Variants in MYH6 observed in about 807,000 individuals in gnomAD.
MYH6 encodes myosin heavy chain 6.
Under a neutral mutation model 223.2 loss-of-function variants are expected in MYH6, and 126 were observed. The observed-to-expected ratio is 0.56, with a 90% CI of 0.49 to 0.65. The LOEUF (loss-of-function observed/expected upper bound fraction) is 0.65, where lower values mean the gene tolerates loss of function less well. Among genes scored for constraint, MYH6 ranks in the 30% least tolerant of loss-of-function variants. The pLI is 0.00. For missense variants in MYH6, 2,040 were observed against 2,536.4 expected, an observed-to-expected ratio of 0.80 and a Z score of 4.20; for synonymous variants, 978 against 1,010.2, an observed-to-expected ratio of 0.97 and a Z score of 0.61.
At position 23,392,967 on chromosome 14, in the gene MYH6, C is replaced by T. The variant is rs560965568; in HGVS notation, c.3196G>A (p.Glu1066Lys). ...TCATTTTCCAGGTCCATGATGCTCTCCTGGGTCAGCTTCAGGTCGCCCTCC... is the reference window on the plus strand; with the variant it reads ...TCATTTTCCAGGTCCATGATGCTCTTCTGGGTCAGCTTCAGGTCGCCCTCC... ...KLEGDLKLTQ[E>K]SIMDLENDKL... The change falls in exon 24 of 39, where the codon GAG becomes AAG. Residue 1066 changes from glutamate (E) to lysine (K), a missense_variant. This residue lies in a region of MYH6 where 1,203 missense variants were observed against 1,400.2 expected (regional missense o/e 0.86). Coordinates refer to ENST00000405093, the MANE Select transcript of MYH6 (RefSeq NM_002471.4). 2 of 1,614,214 alleles carry T rather than the reference C, an allele frequency of 1.2e-6. No homozygotes were observed. Among genetic ancestry groups the T allele is most frequent in the East Asian group, 2.2e-5 (1 of 44,884 alleles).
At chr14:23,404,677 C>A in intron 7 of MYH6, 34 bp downstream of exon 7, 1 of 1,597,962 alleles carries the variant, frequency 6.3e-7, no homozygotes, top group Non-Finnish European at 8.6e-7. Flanking sequence ...GCCCCCCAAC[C>A]CCTGTTCTGC....
chr14:23,390,049 G>A lies in MYH6; in HGVS notation c.3732+8C>T, dbSNP rs1595053590. The stretch of plus-strand genomic sequence containing the variant: ...GGAGAGGGCGAGGGGAGGCCGAGCA[G>A]AGCCTGCCTTGGCCTTGATGATCTG... On this transcript the variant is annotated splice_region_variant and intron_variant, in intron 26 of 38. Transcript: ENST00000405093. 1 of 1,613,486 alleles carries A rather than the reference G, an allele frequency of 6.2e-7. No homozygotes were observed. Among genetic ancestry groups the A allele is most frequent in the Non-Finnish European group, 8.5e-7 (1 of 1,179,846 alleles).
In MYH6 at chr14:23,384,450, T is replaced by C. The variant is rs1412470584; in HGVS notation, c.5557A>G (p.Thr1853Ala). 1.2e-6 allele frequency: 2 copies of C among 1,609,826 alleles called. No individual in the cohort carries two copies. Among genetic ancestry groups the C allele is most frequent in the African/African-American group, 1.3e-5 (1 of 74,900 alleles). Residue 1853 changes from threonine (T) to alanine (A), a missense_variant, in exon 36 of 39, where the codon ACC becomes GCC. Physicochemically the swap from Thr to Ala is moderately conservative, Grantham distance 58. This residue lies in a region of MYH6 where 1,203 missense variants were observed against 1,400.2 expected (regional missense o/e 0.86). Coordinates refer to ENST00000405093, the MANE Select transcript of MYH6 (RefSeq NM_002471.4). Reference sequence around the variant, plus strand: ...TCTGGCGTCCGCCGCACCTGGTAGGTGAGCTCCTTGATGCGCCGCTCGCTC... The same window carrying C: ...TCTGGCGTCCGCCGCACCTGGTAGGCGAGCTCCTTGATGCGCCGCTCGCTC... ...RKSERRIKELTYQTEEDKKNL... is the reference protein window; with the variant it reads ...RKSERRIKELAYQTEEDKKNL...
intron 12 of MYH6, 93 bp from the exon 13 acceptor site, chr14:23,401,070 G>T (rs1438086838): frequency 5.2e-6 from 8 of 1,541,738 alleles, no homozygotes; most frequent in Non-Finnish European, 5.3e-6. Flanking sequence ...GCAGTGGCAC[G>T]ATCTTGGCTC....
At position 23,389,024 on chromosome 14, in the gene MYH6, G is replaced by A. The variant is rs758922922; in HGVS notation, c.4010C>T (p.Ser1337Leu). 16 of 1,611,064 alleles carry A rather than the reference G, an allele frequency of 9.9e-6. No homozygotes were observed. Among genetic ancestry groups the A allele is most frequent in the Middle Eastern group, 3.3e-4 (2 of 5,992 alleles). ...CAGCAGGTCGCAGTCATGCCGGGCC[G>A]ACTGCAGTGCATGGGCCAGGGCGTT... is the stretch of plus-strand genomic sequence containing the variant. Reference protein sequence around the residue: ...AKNALAHALQSARHDCDLLRE... With the variant: ...AKNALAHALQLARHDCDLLRE... The change falls in exon 29 of 39, where the codon TCG (serine) becomes TTG (leucine). Residue 1337 changes from serine to leucine, a missense_variant. By Grantham distance (145) the Ser-to-Leu change is moderately radical. Transcript: ENST00000405093.
At chr14:23,382,100 C>A (rs757863587) in intron 38 of MYH6, 37 bp from the exon 39 acceptor site, 3 of 1,583,730 alleles carry the variant, frequency 1.9e-6, no homozygotes, top group East Asian at 4.5e-5. Context: ...GGGCAGCTGG[C>A]AAGAGGGAGA....
chr14:23,400,139 C>T, intron 14 of MYH6, 117 bp downstream of exon 14: 5 of 1,489,142 alleles, frequency 3.4e-6, no homozygotes, highest in Non-Finnish European at 4.6e-6. Context: ...AGAAGCTGGG[C>T]CTGGAGAAAG....
chr14:23,391,705 C>T (rs550961195), intron 25 of MYH6, among the ~76,000 whole-genome samples: 1 of 152,304 alleles, frequency 6.6e-6, no homozygotes, highest in South Asian at 2.1e-4. Context: ...TCACTATGTC[C>T]AGACCTGGCC....
intron 20 of MYH6, among the ~76,000 whole-genome samples, chr14:23,394,934 C>T (rs982514267): frequency 6.6e-5 from 10 of 152,192 alleles, no homozygotes; most frequent in African/African-American, 1.2e-4. Context: ...GGCACAATCT[C>T]GGCTCACTGC....
At position 23,384,531 on chromosome 14, in the gene MYH6, C is replaced by T. The variant is rs202141059; in HGVS notation, c.5476G>A (p.Gly1826Ser). Residue 1826 changes from glycine (G) to serine (S), a missense_variant, in exon 36 of 39, where the codon GGT (glycine) becomes AGT (serine). Gly to Ser is a moderately conservative substitution (Grantham distance 56). Around this residue, in one of 4 missense-constraint regions of MYH6, gnomAD observed 1,203 missense variants for 1,400.2 expected, o/e 0.86. Transcript: ENST00000405093. The part of the protein sequence containing the change: ...KLEARVRELE[G>S]ELEAEQKRNA... ...CGCTTCTGCTCGGCCTCCAGCTCAC[C>T]CTCCAGCTCCCGCACCCGCGCTTCC... The T allele has an allele frequency of 4.5e-4, 728 of 1,613,382 alleles. No homozygotes were observed. The highest frequency in any genetic ancestry group is 5.6e-4 in the Non-Finnish European group (656 of 1,180,018).
chr14:23,403,652 G>T (rs562230232), intron 9 of MYH6, 63 bp downstream of exon 9: 2 of 1,477,196 alleles, frequency 1.4e-6, no homozygotes, highest in African/African-American at 2.8e-5. Flanking sequence ...GAGACTGGCC[G>T]CCAGGCAGGG....
intron 29 of MYH6, 24 bp from the exon 30 acceptor site, chr14:23,388,362 G>A (rs751337646): frequency 4.3e-6 from 7 of 1,611,314 alleles, no homozygotes; most frequent in East Asian, 2.2e-5. Flanking sequence ...GGTGGAGGGT[G>A]TGTGTGTGAC....
chr14:23,382,186 G>T, intron 38 of MYH6, 123 bp from the exon 39 acceptor site: 1 of 1,161,884 alleles, frequency 8.6e-7, no homozygotes, highest in Non-Finnish European at 1.3e-6. Flanking sequence ...AGGGCCCCAG[G>T]GATCCTGTGG....
chr14:23,393,165 A>G (rs17091453), intron 23 of MYH6, 108 bp from the exon 24 acceptor site: 23,576 of 1,524,004 alleles, frequency 0.015, 723 homozygotes, highest in African/African-American at 0.12. Flanking sequence ...AAGTCAAACC[A>G]ACAGAGAAAT....
At chr14:23,384,322 G>T in intron 36 of MYH6, 120 bp downstream of exon 36, 1 of 1,492,408 alleles carries the variant, frequency 6.7e-7, no homozygotes, top group Non-Finnish European at 9.2e-7. Flanking sequence ...AGCGTGAGAA[G>T]AACGTTAAAT....
chr14:23,393,453 C>T lies in MYH6; in HGVS notation c.2994G>A (p.Lys998=), dbSNP rs1555333952. The change falls in exon 23 of 39, where the codon AAG becomes AAA. Residue 998 remains lysine, a synonymous_variant. Coordinates refer to ENST00000405093, the MANE Select transcript of MYH6 (RefSeq NM_002471.4). ...DEIIAKLTKE[K]KALQEAHQQA... ...GCTGATGGGCCTCTTGTAGAGCTTT[C>T]TTCTCCTTGGTCAGCTTAGCGATGA... The T allele has an allele frequency of 6.2e-7, 1 of 1,614,164 alleles. No homozygotes were observed. The highest frequency in any genetic ancestry group is 1.3e-5 in the African/African-American group (1 of 75,022).
rs530598905 is a variant in MYH6 at position 23,407,809 on chromosome 14, G to A, written c.-46-201C>T. On this transcript the variant is annotated intron_variant, in intron 1 of 38. Transcript: ENST00000405093. This position sits in a 1 kb window ranked among gnomAD's most constrained non-coding sequence, Gnocchi z 5.6. ...AAGGGCACCGAGTCAATATGAGTGC[G>A]AGGGACGGGGTGTGGAAACAGGGTT... Among the ~76,000 whole-genome samples, 101 of 152,282 alleles carry A rather than the reference G, an allele frequency of 6.6e-4. 1 individual carries two copies. Among genetic ancestry groups the A allele is most frequent in the Non-Finnish European group, 4.1e-4 (28 of 68,024 alleles).
intron 15 of MYH6, among the ~76,000 whole-genome samples, chr14:23,397,958 C>CTTCTAT (rs1566512515): frequency 8.8e-6 from 1 of 113,598 alleles, no homozygotes; most frequent in Non-Finnish European, 1.8e-5. Flanking sequence ...TCTTCTTCTT[C>CTTCTAT]TTCTTCTTCT....
In MYH6 at chr14:23,386,023, G is replaced by C; in HGVS notation, c.5068C>G (p.Leu1690Val). 1 of 1,614,216 alleles carries C rather than the reference G, an allele frequency of 6.2e-7. No homozygotes were observed. Residue 1690 changes from leucine to valine, a missense_variant, in exon 34 of 39, where the codon CTG becomes GTG. This residue lies in a region of MYH6 where 1,203 missense variants were observed against 1,400.2 expected (regional missense o/e 0.86). Transcript: ENST00000405093. ...TCTGTCTGCTCCACCACGGCACGCA[G>C]CTCCTCCAGCTCAGCCTGCAGCAGG... is the stretch of plus-strand genomic sequence containing the variant. The part of the protein sequence containing the change: ...NNLLQAELEE[L>V]RAVVEQTERS...
Sources: gnomAD v4.1 joint callset for allele counts (sites outside exome capture counted in the v4.1 genomes callset) on GRCh38, gnomAD v4.1.1 for gene constraint, gnomAD v4.1.1 regional missense constraint, Gnocchi (gnomAD v3.1) non-coding constraint, MANE v1.5 for transcripts, NCBI Gene and HGNC (gene_info 2026-07-23, HGNC 2026-07-21) for gene names.